The following GRID2 variants were observed in gnomAD, a reference collection of about 807,000 sequenced individuals.
GRID2 encodes the protein glutamate receptor ionotropic, delta-2.
Under a neutral mutation model 114.8 loss-of-function variants are expected in GRID2, and 33 were observed. That is an observed-to-expected ratio of 0.29 (90% confidence interval 0.22 to 0.38). The LOEUF (loss-of-function observed/expected upper bound fraction) is 0.38. Among genes scored for constraint, GRID2 ranks in the 10% least tolerant of loss-of-function variants. The pLI is 1.00. For synonymous variants in GRID2, 505 were observed against 449.9 expected, an observed-to-expected ratio of 1.12 and a Z score of -1.55; for missense variants, 1,184 against 1,257.7, an observed-to-expected ratio of 0.94 and a Z score of 0.89.
At chr4:92,756,399 C>T (rs972199043) in intron 2 of GRID2, among the ~76,000 whole-genome samples, 3 of 152,106 alleles carry the variant, frequency 2.0e-5, no homozygotes, top group African/African-American at 7.2e-5. Context: ...CCGCAATAAA[C>T]ATAGGGGTGC....
At chr4:93,781,256 A>G (rs1314764454) in intron 1 of GRID2, among the ~76,000 whole-genome samples, 1 of 152,176 alleles carries the variant, frequency 6.6e-6, no homozygotes, top group Admixed American at 6.5e-5. Context: ...GATCATCTAG[A>G]GTCCATAATT....
chr4:93,295,888 A>G (rs917025924), intron 8 of GRID2, among the ~76,000 whole-genome samples: 9 of 152,380 alleles, frequency 5.9e-5, no homozygotes, highest in Admixed American at 4.6e-4. Context: ...CAACCACGTC[A>G]GATAGCATAG....
rs147950282 is a variant in GRID2 at position 92,511,111 on chromosome 4, A to G, written c.89-79020A>G. 5.6e-3 allele frequency among the ~76,000 whole-genome samples: 858 copies of G among 151,972 alleles called. 12 individuals carry two copies. Among genetic ancestry groups the G allele is most frequent in the African/African-American group, 0.02 (815 of 41,506 alleles). ...AAAGAAAAATGGTTTAATTTGGCTC[A>G]TTGTTCTGTAGGCTGTACAGGAAGC... On this transcript the variant is annotated intron_variant, in intron 1 of 15. Transcript: ENST00000282020.
chr4:92,912,735 GA>G (rs1748481773), intron 2 of GRID2, among the ~76,000 whole-genome samples: 1 of 151,762 alleles, frequency 6.6e-6, no homozygotes, highest in South Asian at 2.1e-4. Flanking sequence ...TAGAGATGTC[GA>G]AAACAAACTC....
chr4:92,460,977 T>C (rs547364825), intron 1 of GRID2, among the ~76,000 whole-genome samples: 7 of 151,958 alleles, frequency 4.6e-5, no homozygotes, highest in Non-Finnish European at 8.8e-5. Flanking sequence ...TAACCTATTT[T>C]CCTCCCTTCT....
At chr4:92,641,442 TA>T (rs1731345017) in intron 2 of GRID2, among the ~76,000 whole-genome samples, 1 of 125,288 alleles carries the variant, frequency 8.0e-6, no homozygotes, top group Non-Finnish European at 1.7e-5. Flanking sequence ...GCCTGGCCAA[TA>T]TTTTTTTTTC....
chr4:93,019,421 C>G (rs1312738749), intron 2 of GRID2, among the ~76,000 whole-genome samples: 1 of 151,996 alleles, frequency 6.6e-6, no homozygotes, highest in African/African-American at 2.4e-5. Flanking sequence ...TTTAAGAAAC[C>G]CTGAGATAGG....
rs189399882 is a variant in GRID2 at position 92,841,027 on chromosome 4, G to A, written c.245-243968G>A. Among the ~76,000 whole-genome samples the A allele has an allele frequency of 3.3e-5, 5 of 152,082 alleles. No individual in the cohort carries two copies. The East Asian group carries it at 7.8e-4, about 24-fold the overall frequency. ...CCAACTTATCTTGATTCCAAGATCTGCTCTGGTCTCATCAAGAAGATTTAG... is the reference window on the plus strand; with the variant it reads ...CCAACTTATCTTGATTCCAAGATCTACTCTGGTCTCATCAAGAAGATTTAG... On this transcript the variant is annotated intron_variant, in intron 2 of 15. Coordinates refer to ENST00000282020, the MANE Select transcript of GRID2 (RefSeq NM_001510.4).
chr4:92,942,724 C>T (rs4538449), intron 2 of GRID2, among the ~76,000 whole-genome samples: 52,486 of 151,926 alleles, frequency 0.35, 9,465 homozygotes, highest in Admixed American at 0.5. Context: ...TTCCTTTCCA[C>T]GTTTAGTGCT....
chr4:93,059,400 A>G (rs1727563366), intron 2 of GRID2, among the ~76,000 whole-genome samples: 3 of 152,100 alleles, frequency 2.0e-5, no homozygotes. Flanking sequence ...TTGTGTGGGC[A>G]TCCTATGCAT....
chr4:92,625,702 G>T (rs1003151816), intron 2 of GRID2, among the ~76,000 whole-genome samples: 1 of 151,696 alleles, frequency 6.6e-6, no homozygotes. Flanking sequence ...CAATCAAGTG[G>T]GCTAATAAAT....
At chr4:92,940,570 G>T (rs1751033619) in intron 2 of GRID2, among the ~76,000 whole-genome samples, 1 of 152,200 alleles carries the variant, frequency 6.6e-6, no homozygotes, top group Non-Finnish European at 1.5e-5. Flanking sequence ...TCCTTCCCCT[G>T]CCTAATTGCC....
At chr4:92,527,268 A>G (rs974589621) in intron 1 of GRID2, among the ~76,000 whole-genome samples, 6 of 152,128 alleles carry the variant, frequency 3.9e-5, no homozygotes, top group Non-Finnish European at 7.4e-5. Flanking sequence ...ACATTACTAC[A>G]CTAGAAATGT....
intron 4 of GRID2, among the ~76,000 whole-genome samples, chr4:93,194,222 A>G (rs895088403): frequency 6.6e-6 from 1 of 151,580 alleles, no homozygotes; most frequent in Admixed American, 6.6e-5. Context: ...AAAACATGGT[A>G]GTGGAAAAAA....
At chr4:93,423,058 A>T (rs1325102272) in intron 10 of GRID2, 90 bp downstream of exon 10, 6 of 842,840 alleles carry the variant, frequency 7.1e-6, no homozygotes, top group Non-Finnish European at 1.2e-5. Flanking sequence ...CTTGAAGCTG[A>T]TTTCATATAA....
chr4:92,727,226 T>C (rs566754027), intron 2 of GRID2, among the ~76,000 whole-genome samples: 2 of 152,090 alleles, frequency 1.3e-5, no homozygotes, highest in Non-Finnish European at 2.9e-5. Flanking sequence ...AAAAAGTTCG[T>C]ATACAATAAA....
chr4:92,441,282 T>C (rs939303387), intron 1 of GRID2, among the ~76,000 whole-genome samples: 2 of 151,930 alleles, frequency 1.3e-5, no homozygotes, highest in Non-Finnish European at 2.9e-5. Flanking sequence ...AGGTAACAGA[T>C]GAGGAAGAAA....
chr4:93,614,368 A>T (rs746734090), intron 13 of GRID2, among the ~76,000 whole-genome samples: 1 of 152,162 alleles, frequency 6.6e-6, no homozygotes, highest in Non-Finnish European at 1.5e-5. Flanking sequence ...GTACAAAATG[A>T]TTTGATTTTA....
At chr4:93,012,886 A>G (rs938601469) in intron 2 of GRID2, among the ~76,000 whole-genome samples, 1 of 152,018 alleles carries the variant, frequency 6.6e-6, no homozygotes, top group African/African-American at 2.4e-5. Context: ...AATATATATG[A>G]CATATATCTA....
Sources: gnomAD v4.1 joint callset for allele counts (sites outside exome capture counted in the v4.1 genomes callset) on GRCh38, gnomAD v4.1.1 for gene constraint, MANE v1.5 for transcripts, NCBI Gene and HGNC (gene_info 2026-07-23, HGNC 2026-07-21) for gene names.